The following KANSL2 variants were observed in gnomAD, a reference collection of about 807,000 sequenced individuals.
The protein encoded by KANSL2 is NSL complex protein NSL2.
In KANSL2, 34 loss-of-function variants were observed where a neutral mutation model predicts 55.6. The ratio of observed to expected loss-of-function variants is 0.61; its 90% CI spans 0.46 to 0.81. KANSL2 has a LOEUF of 0.81. Among genes scored for constraint, KANSL2 ranks in the 40% least tolerant of loss-of-function variants. KANSL2 has a pLI of 0.00. For synonymous variants in KANSL2, 209 were observed against 214.3 expected, an observed-to-expected ratio of 0.98 and a Z score of 0.22; for missense variants, 502 against 609.9, an observed-to-expected ratio of 0.82 and a Z score of 1.86.
intron 7 of KANSL2, chr12:48,667,368 T>C (rs1565606637): frequency 3.0e-6 from 1 of 330,670 alleles, no homozygotes; most frequent in Non-Finnish European, 6.0e-6. Context: ...ATCAGAAACC[T>C]TGAGACAATT....
chr12:48,682,166 G>A (rs1223223646), intron 1 of KANSL2, 21 bp downstream of exon 1: 3 of 698,634 alleles, frequency 4.3e-6, no homozygotes, highest in East Asian at 5.4e-5. Flanking sequence ...GAGCTTAGAG[G>A]AAAGAGCACC....
intron 4 of KANSL2, among the ~76,000 whole-genome samples, chr12:48,675,226 T>C (rs1939798551): frequency 6.6e-6 from 1 of 151,276 alleles, no homozygotes; most frequent in Non-Finnish European, 1.5e-5. Context: ...TGAAACCCCA[T>C]CTCTACTAAA....
intron 1 of KANSL2, chr12:48,681,966 G>A (rs1169549646): frequency 7.1e-6 from 5 of 702,850 alleles, no homozygotes; most frequent in African/African-American, 1.7e-5. Flanking sequence ...CTTTGTCCCG[G>A]CCTGCCTCAG....
intron 4 of KANSL2, among the ~76,000 whole-genome samples, chr12:48,678,589 T>A (rs1434905632): frequency 1.3e-5 from 2 of 152,180 alleles, no homozygotes; most frequent in African/African-American, 4.8e-5. Context: ...TGTACAATTG[T>A]CAATTTAAAA....
intron 2 of KANSL2, chr12:48,681,116 CTTA>C: frequency 4.2e-6 from 1 of 235,542 alleles, no homozygotes; most frequent in Non-Finnish European, 7.4e-6. Context: ...CCCCATCTCT[CTTA>C]AAAAAAAAAA....
At chr12:48,657,239 A>G (rs992798617) in intron 8 of KANSL2, among the ~76,000 whole-genome samples, 1 of 152,078 alleles carries the variant, frequency 6.6e-6, no homozygotes, top group African/African-American at 2.4e-5. Context: ...AGCCTGGCCA[A>G]CATGGTGAAA....
chr12:48,675,240 C>CAAAA (rs199777316), intron 4 of KANSL2, among the ~76,000 whole-genome samples: 1 of 150,770 alleles, frequency 6.6e-6, no homozygotes. Context: ...TACTAAAATA[C>CAAAA]AAAAAAAAGA....
chr12:48,661,046 C>CTGGCAAAGTTTGCAACAATTTCT (rs1939477596), intron 7 of KANSL2: 2 of 185,588 alleles, frequency 1.1e-5, no homozygotes, highest in Non-Finnish European at 2.1e-5. Flanking sequence ...CCTTAGCAGA[C>CTGGCAAAGTTTGCAACAATTTCT]TGGCAAAGTT....
At chr12:48,673,081 A>C (rs1018489771) in intron 4 of KANSL2, among the ~76,000 whole-genome samples, 1 of 152,104 alleles carries the variant, frequency 6.6e-6, no homozygotes, top group African/African-American at 2.4e-5. Context: ...TGTTTAAAAA[A>C]TATAGGCCTA....
In KANSL2 at chr12:48,671,780, G is replaced by T; in HGVS notation, c.709+19C>A. ...ATGTTAAACCCACAACAGCTTGTTG[G>T]AACTGGCATAAAACTTGCCTAGAGC... is the stretch of plus-strand genomic sequence containing the variant. On this transcript the variant is annotated intron_variant, in intron 5 of 9. Transcript: ENST00000420613. The T allele has an allele frequency of 6.3e-7, 1 of 1,596,580 alleles. No individual in the cohort carries two copies. Among genetic ancestry groups the T allele is most frequent in the South Asian group, 1.1e-5 (1 of 89,004 alleles).
chr12:48,672,394 T>G (rs994476231), intron 4 of KANSL2, among the ~76,000 whole-genome samples: 2 of 129,952 alleles, frequency 1.5e-5, no homozygotes, highest in Non-Finnish European at 3.1e-5. Context: ...TATATACATG[T>G]ATATATATAT....
intron 8 of KANSL2, among the ~76,000 whole-genome samples, chr12:48,657,979 C>T (rs928724920): frequency 2.5e-4 from 38 of 152,086 alleles, no homozygotes; most frequent in African/African-American, 8.7e-4. Flanking sequence ...GCCTGTAATC[C>T]TAGCACTTTG....
At chr12:48,659,831 T>C (rs529652463) in intron 8 of KANSL2, among the ~76,000 whole-genome samples, 4 of 152,330 alleles carry the variant, frequency 2.6e-5, no homozygotes, top group African/African-American at 4.8e-5. Context: ...GAATGAAGTA[T>C]TGATACATAT....
rs1939926768 is a variant in KANSL2 at position 48,681,612 on chromosome 12, G to C, written c.21C>G (p.His7Gln). The C allele has an allele frequency of 1.2e-6, 2 of 1,614,028 alleles. No homozygotes were observed. The highest frequency in any genetic ancestry group is 1.7e-6 in the Non-Finnish European group (2 of 1,179,894). MNRIRI[H>Q]VLPTNRGRIT... ...TCCTCCCCCGATTGGTTGGCAAGAC[G>C]TGAATCCGAATCCTGTTCATAACCA... Residue 7 changes from histidine (H) to glutamine (Q), a missense_variant, in exon 2 of 10, where the codon CAC becomes CAG. By Grantham distance (24) the His-to-Gln change is conservative (BLOSUM62 0). Transcript: ENST00000420613.
chr12:48,662,615 T>C lies in KANSL2; in HGVS notation c.974-1996A>G, dbSNP rs1180422549. The C allele has an allele frequency of 1.2e-5, 16 of 1,287,918 alleles. No individual in the cohort carries two copies. In the Admixed American group the frequency reaches 1.8e-4, roughly 15 times the overall value. The allele number at this position is 1,287,918 out of a possible 1,614,324, so 79.8% of individuals were successfully genotyped here. On this transcript the variant is annotated intron_variant, in intron 7 of 9. Transcript: ENST00000420613. Reference sequence around the variant, plus strand: ...GAGTGCTGTCTCCATTAGACCACAGTAAAGAGTTAACAGGTCACCAATGGC... The same window carrying C: ...GAGTGCTGTCTCCATTAGACCACAGCAAAGAGTTAACAGGTCACCAATGGC...
chr12:48,677,612 T>C (rs1033268627), intron 4 of KANSL2, among the ~76,000 whole-genome samples: 1 of 151,690 alleles, frequency 6.6e-6, no homozygotes, highest in African/African-American at 2.4e-5. Context: ...AAACCCCATC[T>C]CTACTAAAAA....
intron 8 of KANSL2, among the ~76,000 whole-genome samples, chr12:48,658,899 G>A (rs1366097294): frequency 6.6e-6 from 1 of 152,194 alleles, no homozygotes; most frequent in Admixed American, 6.5e-5. Context: ...TTGCATCAAA[G>A]CACAGAAAAC....
chr12:48,662,504 C>T (rs1939506626), intron 7 of KANSL2: 5 of 1,191,798 alleles, frequency 4.2e-6, no homozygotes, highest in Non-Finnish European at 5.3e-6. Flanking sequence ...CATCCTCCAC[C>T]CGCTTTCCTT....
At chr12:48,657,387 T>C (rs1939406027) in intron 8 of KANSL2, among the ~76,000 whole-genome samples, 1 of 151,960 alleles carries the variant, frequency 6.6e-6, no homozygotes, top group African/African-American at 2.4e-5. Flanking sequence ...ACTGCACCAC[T>C]GCACTCCAGT....
Sources: gnomAD v4.1 joint callset for allele counts (sites outside exome capture counted in the v4.1 genomes callset) on GRCh38, gnomAD v4.1.1 for gene constraint, MANE v1.5 for transcripts, NCBI Gene and HGNC (gene_info 2026-07-23, HGNC 2026-07-21) for gene names.